The following PLCH1 variants were observed in gnomAD, a reference collection of about 807,000 sequenced individuals.
The protein encoded by PLCH1 is 1-phosphatidylinositol 4,5-bisphosphate phosphodiesterase eta-1.
Under a neutral mutation model 126.7 loss-of-function variants are expected in PLCH1, and 60 were observed. The ratio of observed to expected loss-of-function variants is 0.47; its 90% CI spans 0.38 to 0.59. PLCH1 has a LOEUF of 0.59. PLCH1 is among the 20% of genes least tolerant of loss of function. PLCH1 has a pLI of 0.00. For synonymous variants in PLCH1, 719 were observed against 734.9 expected (o/e 0.98, Z 0.35); for missense variants, 1,723 against 2,040.0 (o/e 0.84, Z 2.99).
chr3:155,646,786 C>T (rs1256985540), intron 2 of PLCH1, among the ~76,000 whole-genome samples: 1 of 152,180 alleles, frequency 6.6e-6, no homozygotes, highest in African/African-American at 2.4e-5. Context: ...TGCCTCCTGC[C>T]CCAAGCTCAC....
intron 2 of PLCH1, among the ~76,000 whole-genome samples, chr3:155,656,627 G>A (rs1741405990): frequency 6.6e-6 from 1 of 152,072 alleles, no homozygotes; most frequent in Non-Finnish European, 1.5e-5. Context: ...CAATAAAATA[G>A]AAATTAGCGG....
chr3:155,458,944 A>G (rs1712603109), intron 21 of PLCH1, among the ~76,000 whole-genome samples: 1 of 152,148 alleles, frequency 6.6e-6, no homozygotes, highest in Non-Finnish European at 1.5e-5. Flanking sequence ...TACCTCCATA[A>G]AACAGTAGCA....
intron 2 of PLCH1, among the ~76,000 whole-genome samples, chr3:155,598,286 G>A (rs1453138220): frequency 1.3e-5 from 2 of 152,096 alleles, no homozygotes; most frequent in Middle Eastern, 3.4e-3. Context: ...TAGTATATTC[G>A]GCCACCACTG....
At chr3:155,614,171 TTCCATGCTC>T in intron 2 of PLCH1, among the ~76,000 whole-genome samples, 1 of 152,242 alleles carries the variant, frequency 6.6e-6, no homozygotes, top group Non-Finnish European at 1.5e-5. Flanking sequence ...TGGAAACACA[TTCCATGCTC>T]ATGGACAGGT....
intron 2 of PLCH1, among the ~76,000 whole-genome samples, chr3:155,653,651 A>C (rs1452041486): frequency 6.6e-6 from 1 of 152,124 alleles, no homozygotes; most frequent in Non-Finnish European, 1.5e-5. Context: ...AATGACTTCT[A>C]CACAACTTTT....
rs573494187 is a variant in PLCH1 at position 155,569,724 on chromosome 3, C to G, written c.772-1400G>C. ...ATGAACCAAATTGATAACAATTTTA[C>G]ATGCCGTGTGAAGACTAAGTTCACT... On this transcript the variant is annotated intron_variant, in intron 6 of 22. Coordinates refer to ENST00000460012, the MANE Select transcript of PLCH1 (RefSeq NM_014996.4). 2.0e-5 allele frequency among the ~76,000 whole-genome samples: 3 copies of G among 152,264 alleles called. No individual in the cohort carries two copies. The East Asian group carries it at 5.8e-4, about 29-fold the overall frequency.
At chr3:155,453,235 A>G (rs1712354525) in intron 21 of PLCH1, among the ~76,000 whole-genome samples, 1 of 152,230 alleles carries the variant, frequency 6.6e-6, no homozygotes, top group South Asian at 2.1e-4. Flanking sequence ...AAGGAAATCA[A>G]GAAGATATGT....
chr3:155,634,500 G>A (rs918719253), intron 2 of PLCH1, among the ~76,000 whole-genome samples: 1 of 152,216 alleles, frequency 6.6e-6, no homozygotes, highest in Non-Finnish European at 1.5e-5. Context: ...ACCAACAGAG[G>A]GCAATGGAGC....
At chr3:155,505,507 T>C (rs977636069) in intron 12 of PLCH1, among the ~76,000 whole-genome samples, 1 of 152,078 alleles carries the variant, frequency 6.6e-6, no homozygotes, top group African/African-American at 2.4e-5. Flanking sequence ...ATGGAATAAA[T>C]GTGGGTGAGA....
At chr3:155,591,205 A>G (rs1236588624) in intron 4 of PLCH1, among the ~76,000 whole-genome samples, 1 of 152,200 alleles carries the variant, frequency 6.6e-6, no homozygotes, top group Non-Finnish European at 1.5e-5. Context: ...ATGAGGCTAG[A>G]AGCTTCTGGA....
Position 155,480,129 on chromosome 3 carries a change from G to A in PLCH1, c.*839C>T, listed in dbSNP as rs1713787945. The A allele has an allele frequency of 6.6e-6, 1 of 152,588 alleles. No homozygotes were observed. The highest frequency in any genetic ancestry group is 2.4e-5 in the African/African-American group (1 of 41,450). 9.5% of individuals were successfully genotyped at this position (152,588 alleles called of 1,614,324 possible). ...AATATTCTGTGAAAGCTTTGGGGAA[G>A]TTTTCAATTTGTGCTACTATTATCA... On this transcript the variant is annotated 3_prime_UTR_variant, in exon 23 of 23. Transcript: ENST00000460012.
chr3:155,697,148 TAC>T (rs1745884188), intron 2 of PLCH1, among the ~76,000 whole-genome samples: 1 of 152,200 alleles, frequency 6.6e-6, no homozygotes. Flanking sequence ...TAGAGGCTGA[TAC>T]ACCTCAACAT....
At chr3:155,478,878 CT>C (rs905319838), downstream of PLCH1, among the ~76,000 whole-genome samples, 18 of 152,062 alleles carry the variant, frequency 1.2e-4, no homozygotes, top group African/African-American at 3.6e-4. Flanking sequence ...CTATTTTCTT[CT>C]TTTGGGAGGG....
intron 21 of PLCH1, among the ~76,000 whole-genome samples, chr3:155,474,145 C>T (rs1166384913): frequency 1.3e-5 from 2 of 152,006 alleles, no homozygotes; most frequent in East Asian, 1.9e-4. Context: ...AGGCAACCTA[C>T]AAAATGGGAG....
intron 1 of PLCH1, among the ~76,000 whole-genome samples, chr3:155,736,502 T>TCCAG: frequency 1.3e-5 from 2 of 152,236 alleles, no homozygotes; most frequent in Admixed American, 1.3e-4. Flanking sequence ...AAAGAAACTT[T>TCCAG]CCAGCCTTCA....
intron 2 of PLCH1, chr3:155,676,143 A>G: frequency 7.3e-7 from 1 of 1,368,972 alleles, no homozygotes; most frequent in Non-Finnish European, 9.5e-7. Context: ...GGGGGAAAAA[A>G]GGCAAAGAAA....
chr3:155,682,286 T>C (rs1744600724), intron 2 of PLCH1, among the ~76,000 whole-genome samples: 1 of 152,226 alleles, frequency 6.6e-6, no homozygotes, highest in African/African-American at 2.4e-5. Flanking sequence ...CTTTGGCCTA[T>C]TCATCATCAG....
intron 8 of PLCH1, among the ~76,000 whole-genome samples, chr3:155,563,633 C>CAAA (rs11356535): frequency 7.2e-6 from 1 of 139,294 alleles, no homozygotes. Flanking sequence ...ACACACATGT[C>CAAA]AAAAAAAAAA....
chr3:155,499,803 T>C (rs1017321956), intron 14 of PLCH1, among the ~76,000 whole-genome samples: 3 of 152,184 alleles, frequency 2.0e-5, no homozygotes, highest in African/African-American at 7.2e-5. Context: ...TTTCTCTTTA[T>C]CCTTTACTGT....
Sources: gnomAD v4.1 joint callset for allele counts (sites outside exome capture counted in the v4.1 genomes callset) on GRCh38, gnomAD v4.1.1 for gene constraint, MANE v1.5 for transcripts, NCBI Gene and HGNC (gene_info 2026-07-23, HGNC 2026-07-21) for gene names.